The following TRAPPC6B variants were observed in gnomAD, a reference collection of about 807,000 sequenced individuals.
The protein encoded by TRAPPC6B is trafficking protein particle complex subunit 6B.
TRAPPC6B carries 27 observed loss-of-function variants against 24.7 expected under a neutral mutation model. The ratio of observed to expected loss-of-function variants is 1.09; its 90% CI spans 0.81 to 1.51. The LOEUF (loss-of-function observed/expected upper bound fraction) is 1.51. Among genes scored for constraint, TRAPPC6B ranks in the 40% most tolerant of loss-of-function variants. The probability of loss-of-function intolerance (pLI) is 0.00; values close to 1 mark genes in which losing one functional copy is unlikely to be tolerated. For synonymous variants in TRAPPC6B, 80 were observed against 66.6 expected (o/e 1.20, Z -0.98); for missense variants, 212 against 190.8 (o/e 1.11, Z -0.66).
chr14:39,150,304 A>G lies in TRAPPC6B; in HGVS notation c.*46T>C. ...CACTACTTGAAATACTTTTACATGA[A>G]TAATTTATCTCTTTACACTGTTGAA... On this transcript the variant is annotated 3_prime_UTR_variant, in exon 6 of 6. Coordinates refer to ENST00000330149, the MANE Select transcript of TRAPPC6B (RefSeq NM_001079537.2). 1 of 1,501,724 alleles carries G rather than the reference A, an allele frequency of 6.7e-7. No individual in the cohort carries two copies. The highest frequency in any genetic ancestry group is 9.1e-7 in the Non-Finnish European group (1 of 1,103,722). 93.0% of individuals were successfully genotyped at this position (1,501,724 alleles called of 1,614,324 possible).
chr14:39,168,848 G>C (rs2053135670), intron 1 of TRAPPC6B, among the ~76,000 whole-genome samples: 2 of 152,194 alleles, frequency 1.3e-5, no homozygotes, highest in African/African-American at 4.8e-5. Flanking sequence ...CCCCCTACAA[G>C]GATCTTCCCT....
chr14:39,168,227 A>G (rs2053127991), intron 1 of TRAPPC6B, among the ~76,000 whole-genome samples: 1 of 151,714 alleles, frequency 6.6e-6, no homozygotes, highest in Non-Finnish European at 1.5e-5. Flanking sequence ...AAAAAAAAAA[A>G]AAAGAGAGAG....
At chr14:39,163,227 CG>C (rs2139387117) in intron 1 of TRAPPC6B, among the ~76,000 whole-genome samples, 1 of 150,104 alleles carries the variant, frequency 6.7e-6, no homozygotes, top group South Asian at 2.1e-4. Flanking sequence ...AAAAATTAGC[CG>C]GGCATGGTGG....
intron 4 of TRAPPC6B, 147 bp downstream of exon 4, chr14:39,154,064 A>G (rs1472297027): frequency 1.8e-6 from 1 of 565,806 alleles, no homozygotes; most frequent in Non-Finnish European, 3.1e-6. Flanking sequence ...TTATTGTAAC[A>G]TGTCTCTCAT....
chr14:39,148,698 TA>T lies in TRAPPC6B; in HGVS notation c.*1651del, dbSNP rs2052883093. On this transcript the variant is annotated 3_prime_UTR_variant, in exon 6 of 6. Coordinates refer to ENST00000330149, the MANE Select transcript of TRAPPC6B (RefSeq NM_001079537.2). ...CATGTATATTTGGTAGGAACTTTCC[TA>T]AATTTTTTCAAAATTAAAATTTTTT... 2.5e-6 allele frequency: 1 copy of T among 398,544 alleles called. No individual in the cohort carries two copies. 24.7% of individuals were successfully genotyped at this position (398,544 alleles called of 1,614,324 possible).
At chr14:39,152,722 G>A (rs184263187) in intron 4 of TRAPPC6B, among the ~76,000 whole-genome samples, 5 of 152,278 alleles carry the variant, frequency 3.3e-5, no homozygotes, top group South Asian at 2.1e-4. Flanking sequence ...GTATATGTGC[G>A]TATTTATGGG....
At chr14:39,151,680 T>TAA (rs368236715) in intron 5 of TRAPPC6B, 66 bp downstream of exon 5, 339 of 961,066 alleles carry the variant, frequency 3.5e-4, no homozygotes, top group African/African-American at 1.8e-3. Flanking sequence ...TCAGTTAAAT[T>TAA]AAAAAAAAAA....
Position 39,158,397 on chromosome 14 carries a change from G to A in TRAPPC6B, c.155C>T (p.Thr52Ile). The change falls in exon 3 of 6, where the codon ACA becomes ATA. Residue 52 changes from threonine to isoleucine, a missense_variant. Coordinates refer to ENST00000330149, the MANE Select transcript of TRAPPC6B (RefSeq NM_001079537.2). ...RVGQGLIERF[T>I]KDTARFKDEL... ...ATCCTTGAACCTTGCAGTATCTTTT[G>A]TAAACCTAAAAAGATCAACTAGAAG... The A allele has an allele frequency of 6.4e-7, 1 of 1,562,190 alleles. No individual in the cohort carries two copies. The highest frequency in any genetic ancestry group is 8.7e-7 in the Non-Finnish European group (1 of 1,151,848).
rs2052876479 is a variant in TRAPPC6B, at chr14:39,148,237, T to A, written c.*2113A>T. The stretch of plus-strand genomic sequence containing the variant: ...GAAGCAGAAGAGGGATGCTGGCAAA[T>A]CCCTAACTTGTATCAATTGTTAAGA... On this transcript the variant is annotated 3_prime_UTR_variant, in exon 6 of 6. Transcript: ENST00000330149. 1 of 157,214 alleles carries A rather than the reference T, an allele frequency of 6.4e-6. No individual in the cohort carries two copies. Among genetic ancestry groups the A allele is most frequent in the African/African-American group, 2.4e-5 (1 of 41,722 alleles). The allele number at this position is 157,214 out of a possible 1,614,324, so 9.7% of individuals were successfully genotyped here.
In TRAPPC6B at chr14:39,151,201, C is replaced by A. The variant is rs190723358; in HGVS notation, c.445+545G>T. Among the ~76,000 whole-genome samples, 346 of 151,966 alleles carry A rather than the reference C, an allele frequency of 2.3e-3. 3 individuals are homozygous for A. Among genetic ancestry groups the A allele is most frequent in the African/African-American group, 7.9e-3 (326 of 41,468 alleles). On this transcript the variant is annotated intron_variant, in intron 5 of 5. Transcript: ENST00000330149. Reference sequence around the variant, plus strand: ...GGTCAGGAGATGGAGACCATCCTGGCTAACACGGTGAAACCCATCTCTACT... The same window carrying A: ...GGTCAGGAGATGGAGACCATCCTGGATAACACGGTGAAACCCATCTCTACT...
intron 4 of TRAPPC6B, among the ~76,000 whole-genome samples, chr14:39,153,468 A>C (rs1198036977): frequency 6.6e-6 from 1 of 150,984 alleles, no homozygotes; most frequent in African/African-American, 2.4e-5. Flanking sequence ...TCTCTAAAAA[A>C]TTTTTTTAAA....
intron 1 of TRAPPC6B, among the ~76,000 whole-genome samples, chr14:39,167,486 T>G (rs2053120317): frequency 6.6e-6 from 1 of 152,178 alleles, no homozygotes; most frequent in Non-Finnish European, 1.5e-5. Flanking sequence ...CAACATAGTT[T>G]TTACAGATCT....
intron 1 of TRAPPC6B, among the ~76,000 whole-genome samples, chr14:39,166,841 C>A (rs1006439557): frequency 5.3e-5 from 8 of 152,056 alleles, no homozygotes; most frequent in African/African-American, 1.9e-4. Flanking sequence ...CCCAACCAAC[C>A]AGGAGCACCC....
chr14:39,157,324 C>A (rs769278078), intron 3 of TRAPPC6B: 1 of 363,120 alleles, frequency 2.8e-6, no homozygotes, highest in Non-Finnish European at 5.3e-6. Context: ...GGCCCTGCAC[C>A]GCCAAATAGC....
chr14:39,148,607 C>A lies in TRAPPC6B; in HGVS notation c.*1743G>T. 1 of 398,324 alleles carries A rather than the reference C, an allele frequency of 2.5e-6. No homozygotes were observed. Among genetic ancestry groups the A allele is most frequent in the South Asian group, 1.3e-4 (1 of 7,846 alleles). 24.7% of individuals were successfully genotyped at this position (398,324 alleles called of 1,614,324 possible). ...TTATTTTGAAGTTCTCTATTGTGTTCTATTTTGATCTACTTCTGTGTCATT... is the reference window on the plus strand; with the variant it reads ...TTATTTTGAAGTTCTCTATTGTGTTATATTTTGATCTACTTCTGTGTCATT... On this transcript the variant is annotated 3_prime_UTR_variant, in exon 6 of 6. Transcript: ENST00000330149.
chr14:39,154,640 A>C (rs1260985040), intron 3 of TRAPPC6B, among the ~76,000 whole-genome samples: 2 of 151,794 alleles, frequency 1.3e-5, no homozygotes, highest in Non-Finnish European at 2.9e-5. Flanking sequence ...GGCTGGTCTC[A>C]AACTCCTGGG....
At chr14:39,157,981 C>T (rs1400718029) in intron 3 of TRAPPC6B, 2 of 224,496 alleles carry the variant, frequency 8.9e-6, no homozygotes, top group Non-Finnish European at 1.7e-5. Flanking sequence ...CATATTATTA[C>T]CACTAATTAA....
intron 1 of TRAPPC6B, among the ~76,000 whole-genome samples, chr14:39,165,631 C>CA (rs150302814): frequency 6.6e-6 from 1 of 151,456 alleles, no homozygotes; most frequent in Non-Finnish European, 1.5e-5. Flanking sequence ...TCTGTTTCTA[C>CA]AAAAAAAAAT....
intron 3 of TRAPPC6B, among the ~76,000 whole-genome samples, chr14:39,154,877 C>A (rs770140007): frequency 2.6e-5 from 4 of 152,190 alleles, no homozygotes; most frequent in Non-Finnish European, 5.9e-5. Flanking sequence ...AACTCATAGT[C>A]TAGTACGATG....
Sources: allele counts gnomAD v4.1 joint callset (sites outside exome capture counted in the v4.1 genomes callset), GRCh38; gene constraint gnomAD v4.1.1; transcripts MANE v1.5; gene names NCBI Gene and HGNC (gene_info 2026-07-23, HGNC 2026-07-21).